Variants in KCNN2 observed in about 807,000 individuals in gnomAD.
The protein encoded by KCNN2 is potassium calcium-activated channel subfamily N member 2.
KCNN2 carries 24 observed loss-of-function variants against 55.5 expected under a neutral mutation model. The ratio of observed to expected loss-of-function variants is 0.43; its 90% confidence interval spans 0.31 to 0.61. The LOEUF is 0.61. Ranked by LOEUF, KCNN2 falls within the 20% of genes least tolerant of loss-of-function variation. KCNN2 has a pLI of 0.08. For synonymous variants in KCNN2, 431 were observed against 336.1 expected (o/e 1.28, Z -3.09); for missense variants, 754 against 853.6 (o/e 0.88, Z 1.45).
intron 2 of KCNN2, among the ~76,000 whole-genome samples, chr5:114,285,354 A>G (rs3101067): frequency 0.9 from 134,232 of 149,560 alleles, 60,641 homozygotes; most frequent in Middle Eastern, 0.94. Context: ...TAGGGGAGAA[A>G]AATATGAAGA....
chr5:114,440,714 C>T (rs560213569), intron 3 of KCNN2, among the ~76,000 whole-genome samples: 50 of 151,838 alleles, frequency 3.3e-4, no homozygotes, highest in Non-Finnish European at 5.6e-4. Context: ...TCTAAGTCTA[C>T]AATCAAGTAT....
intron 3 of KCNN2, among the ~76,000 whole-genome samples, chr5:114,442,261 A>T (rs1256787495): frequency 6.7e-6 from 1 of 149,620 alleles, no homozygotes; most frequent in East Asian, 2.0e-4. Context: ...TATATATATA[A>T]TTTTCATATA....
chr5:114,057,335 G>A (rs1057497115), intron 1 of KCNN2, among the ~76,000 whole-genome samples: 2 of 152,234 alleles, frequency 1.3e-5, no homozygotes, highest in Non-Finnish European at 2.9e-5. Context: ...ACCCCACAGA[G>A]TAAGGAGTAC....
Position 114,291,220 on chromosome 5 carries a change from G to T in KCNN2, c.-185+69655G>T, listed in dbSNP as rs545709081. Among the ~76,000 whole-genome samples, 14 of 151,918 alleles carry T rather than the reference G, an allele frequency of 9.2e-5. No homozygotes were observed. In the East Asian group the frequency reaches 2.7e-3, roughly 29 times the overall value. On this transcript the variant is annotated intron_variant, in intron 2 of 10. Transcript: ENST00000512097. ...TATTATTATTATACTTTAAGTTTTA[G>T]GGTACATGTGCACAATGTGCAGGTT...
intron 1 of KCNN2, among the ~76,000 whole-genome samples, chr5:114,089,280 G>A (rs1421791211): frequency 6.6e-6 from 1 of 151,884 alleles, no homozygotes; most frequent in Non-Finnish European, 1.5e-5. Context: ...GCTTTGTTTG[G>A]GTAGATCTAG....
intron 2 of KCNN2, among the ~76,000 whole-genome samples, chr5:114,280,528 G>A (rs965319724): frequency 1.3e-5 from 2 of 152,138 alleles, no homozygotes; most frequent in Non-Finnish European, 2.9e-5. Context: ...TGGCTAGCCA[G>A]TTTTCCCATC....
intron 1 of KCNN2, among the ~76,000 whole-genome samples, chr5:114,112,390 C>T (rs950014826): frequency 1.3e-5 from 2 of 152,162 alleles, no homozygotes; most frequent in African/African-American, 4.8e-5. Context: ...TGATGAGTTG[C>T]TGGGTGCAGC....
intron 3 of KCNN2, among the ~76,000 whole-genome samples, chr5:114,411,167 C>T (rs1053214434): frequency 1.3e-5 from 2 of 152,026 alleles, no homozygotes; most frequent in Admixed American, 1.3e-4. Context: ...ATATTTTGTT[C>T]TTTCATTAGA....
Position 114,496,227 on chromosome 5 carries a change from G to T in KCNN2, c.*45G>T. 6.3e-7 allele frequency: 1 copy of T among 1,588,324 alleles called. No individual in the cohort carries two copies. The highest frequency in any genetic ancestry group is 8.6e-7 in the Non-Finnish European group (1 of 1,163,790). On this transcript the variant is annotated 3_prime_UTR_variant, in exon 8 of 8. Coordinates refer to ENST00000673685, the MANE Select transcript of KCNN2 (RefSeq NM_021614.4). ...AAAATAAGACTTTTTGCCATCATAT[G>T]GTCAATATTTTAGCTTTTATTGTAA...
At chr5:114,088,145 T>C (rs984785925) in intron 1 of KCNN2, among the ~76,000 whole-genome samples, 8 of 152,142 alleles carry the variant, frequency 5.3e-5, no homozygotes. Flanking sequence ...TCACTGGATA[T>C]AAAATATAGA....
At chr5:114,107,201 A>G (rs573972545) in intron 1 of KCNN2, among the ~76,000 whole-genome samples, 4 of 152,222 alleles carry the variant, frequency 2.6e-5, no homozygotes, top group African/African-American at 9.6e-5. Context: ...GTAGGTAATC[A>G]TACATGTTTG....
At chr5:114,466,945 A>G (rs4705506) in intron 4 of KCNN2, among the ~76,000 whole-genome samples, 115,170 of 152,080 alleles carry the variant, frequency 0.76, 44,978 homozygotes, top group East Asian at 0.92. Flanking sequence ...CAATTTGAAA[A>G]TCACTACGCT....
intron 3 of KCNN2, among the ~76,000 whole-genome samples, chr5:114,406,186 A>G (rs911030843): frequency 6.6e-6 from 1 of 151,302 alleles, no homozygotes; most frequent in African/African-American, 2.4e-5. Context: ...AAATCTGTTT[A>G]GCCATTCTCT....
intron 1 of KCNN2, among the ~76,000 whole-genome samples, chr5:114,205,417 T>G (rs531573104): frequency 6.6e-6 from 1 of 152,350 alleles, no homozygotes; most frequent in South Asian, 2.1e-4. Context: ...ATTTTGTCTT[T>G]TTTGGATCAT....
chr5:114,128,773 G>A (rs538899564), intron 1 of KCNN2, among the ~76,000 whole-genome samples: 1 of 151,980 alleles, frequency 6.6e-6, no homozygotes, highest in Non-Finnish European at 1.5e-5. Flanking sequence ...TAAAATCAGA[G>A]AATGAAATTA....
At chr5:114,113,233 C>G (rs1183717000) in intron 1 of KCNN2, among the ~76,000 whole-genome samples, 2 of 152,022 alleles carry the variant, frequency 1.3e-5, no homozygotes, top group African/African-American at 4.8e-5. Context: ...TCTTGCTACT[C>G]TTTAAGGCTA....
intron 2 of KCNN2, among the ~76,000 whole-genome samples, chr5:114,233,229 T>A (rs1754400636): frequency 6.6e-6 from 1 of 152,138 alleles, no homozygotes; most frequent in Admixed American, 6.5e-5. Flanking sequence ...CTATTGTTTC[T>A]TGTTTTAACA....
chr5:114,211,474 A>G (rs71579448), intron 1 of KCNN2, among the ~76,000 whole-genome samples: 12 of 152,100 alleles, frequency 7.9e-5, no homozygotes, highest in Non-Finnish European at 1.8e-4. Flanking sequence ...AAAACCAAAT[A>G]CCATATGTTC....
At chr5:114,090,547 C>T (rs1751117608) in intron 1 of KCNN2, among the ~76,000 whole-genome samples, 1 of 131,012 alleles carries the variant, frequency 7.6e-6, no homozygotes. Context: ...TTCTCTCTTC[C>T]TCTCTCTCTC....
Sources: gnomAD v4.1 joint callset for allele counts (sites outside exome capture counted in the v4.1 genomes callset) on GRCh38, gnomAD v4.1.1 for gene constraint, MANE v1.5 for transcripts, NCBI Gene and HGNC (gene_info 2026-07-23, HGNC 2026-07-21) for gene names.